The following IGF2R variants were observed in gnomAD, a reference collection of about 807,000 sequenced individuals.
IGF2R encodes the protein insulin like growth factor 2 receptor, also known as cation-independent mannose-6-phosphate receptor.
A neutral mutation model predicts 270.6 loss-of-function variants in IGF2R; 91 were observed. That is an observed-to-expected ratio of 0.34 (90% confidence interval 0.28 to 0.40). The LOEUF (loss-of-function observed/expected upper bound fraction) is 0.40, where lower values mean the gene tolerates loss of function less well. IGF2R is among the 10% of genes least tolerant of loss of function. The probability of loss-of-function intolerance (pLI) is 1.00; values close to 1 mark genes in which losing one functional copy is unlikely to be tolerated. For missense variants in IGF2R, 2,805 were observed against 3,188.3 expected (o/e 0.88, Z 2.90); for synonymous variants, 1,316 against 1,258.9 (o/e 1.05, Z -0.96).
chr6:160,063,627 G>A lies in IGF2R; in HGVS notation c.3883G>A (p.Ala1295Thr). Residue 1295 changes from alanine (A) to threonine (T), a missense_variant, in exon 27 of 48, where the codon GCA becomes ACA. This residue lies in a region of IGF2R where 1,851 missense variants were observed against 2,207.2 expected (regional missense o/e 0.84). Coordinates refer to ENST00000356956, the MANE Select transcript of IGF2R (RefSeq NM_000876.4). Reference protein sequence around the residue: ...KREPQGFHKVAGLLTQKLTYE... With the variant: ...KREPQGFHKVTGLLTQKLTYE... Reference sequence around the variant, plus strand: ...GGAACCGCAGGGATTTCACAAAGTGGCAGGTACCATTGTTTGTCGTTTTCC... The same window carrying A: ...GGAACCGCAGGGATTTCACAAAGTGACAGGTACCATTGTTTGTCGTTTTCC... 2 of 1,611,708 alleles carry A rather than the reference G, an allele frequency of 1.2e-6. No individual in the cohort carries two copies. The highest frequency in any genetic ancestry group is 8.5e-7 in the Non-Finnish European group (1 of 1,177,966).
chr6:160,010,727 A>G lies in IGF2R; in HGVS notation c.455A>G (p.Tyr152Cys). The G allele has an allele frequency of 1.2e-6, 2 of 1,612,712 alleles. No homozygotes were observed. Among genetic ancestry groups the G allele is most frequent in the Non-Finnish European group, 1.7e-6 (2 of 1,178,730 alleles). ...EFVTATECVH[Y>C]FEWRTTAACK... ...GTAACTGCAACAGAATGTGTGCACT[A>G]CTTTGAGTGGAGGACCACTGCAGCC... The change falls in exon 4 of 48, where the codon TAC becomes TGC. Residue 152 changes from tyrosine (Y) to cysteine (C), a missense_variant. Tyr to Cys is a radical substitution (Grantham distance 194, BLOSUM62 -2). Around this residue, in one of 2 missense-constraint regions of IGF2R, gnomAD observed 954 missense variants for 981.1 expected, o/e 0.97. Transcript: ENST00000356956.
chr6:160,068,065 GGTGTGTGTGT>G (rs879058804), intron 29 of IGF2R, among the ~76,000 whole-genome samples, 174 bp from the exon 30 acceptor site: 12 of 77,464 alleles, frequency 1.5e-4, no homozygotes, highest in East Asian at 5.2e-4. Flanking sequence ...TCTGATGGGG[GGTGTGTGTGT>G]GTGTGTGTGT....
Position 160,078,350 on chromosome 6 carries a change from G to C in IGF2R, c.5466G>C (p.Thr1822=), listed in dbSNP as rs767248101. ...LYSFNLSSLS[T]STFKVTRDSR... Reference sequence around the variant, plus strand: ...GCTTCAACTTGTCCAGCCTTTCCACGAGCACCTTTAAGGTAATGCGTTCAC... The same window carrying C: ...GCTTCAACTTGTCCAGCCTTTCCACCAGCACCTTTAAGGTAATGCGTTCAC... Residue 1822 remains threonine (T), a synonymous_variant, in exon 37 of 48, where the codon ACG becomes ACC. Transcript: ENST00000356956. The C allele has an allele frequency of 6.2e-7, 1 of 1,613,950 alleles. No homozygotes were observed. The highest frequency in any genetic ancestry group is 8.5e-7 in the Non-Finnish European group (1 of 1,179,972).
intron 44 of IGF2R, chr6:160,095,370 C>T (rs1779330675): frequency 6.6e-6 from 1 of 152,506 alleles, no homozygotes; most frequent in South Asian, 2.1e-4. Flanking sequence ...TTTCACTATA[C>T]GTTTCCAAGT....
intron 10 of IGF2R, among the ~76,000 whole-genome samples, chr6:160,034,887 A>G (rs1009131067): frequency 4.6e-5 from 7 of 152,138 alleles, no homozygotes; most frequent in African/African-American, 1.7e-4. Context: ...TGATTGAGTG[A>G]CCTCTTCTTT....
intron 11 of IGF2R, 95 bp downstream of exon 11, chr6:160,040,819 C>T: frequency 7.6e-6 from 10 of 1,310,420 alleles, no homozygotes; most frequent in Non-Finnish European, 1.1e-5. Flanking sequence ...TTTTCTTTGT[C>T]AGTGGGTTGC....
chr6:160,018,904 A>G (rs187265752), intron 4 of IGF2R, among the ~76,000 whole-genome samples: 105 of 152,264 alleles, frequency 6.9e-4, no homozygotes, highest in African/African-American at 2.5e-3. Flanking sequence ...ACTTCAAGGA[A>G]CTAGAAAAAA....
At chr6:160,071,121 A>T (rs1363024208) in intron 31 of IGF2R, among the ~76,000 whole-genome samples, 3 of 124,014 alleles carry the variant, frequency 2.4e-5, no homozygotes, top group Non-Finnish European at 5.0e-5. Context: ...GGGAAGGATG[A>T]GGGTGGTGTG....
At chr6:160,094,498 G>A (rs1245539822) in intron 44 of IGF2R, 1 of 156,366 alleles carries the variant, frequency 6.4e-6, no homozygotes, top group Non-Finnish European at 1.4e-5. Flanking sequence ...TGAAGCCTCA[G>A]AATCTCCTCT....
chr6:159,978,119 A>T (rs1358438794), intron 1 of IGF2R, among the ~76,000 whole-genome samples: 1 of 152,074 alleles, frequency 6.6e-6, no homozygotes, highest in East Asian at 1.9e-4. Flanking sequence ...TTCTGCCTCA[A>T]CCAGAGAGCA....
intron 1 of IGF2R, among the ~76,000 whole-genome samples, chr6:159,970,036 C>G (rs1783585979): frequency 6.6e-6 from 1 of 151,980 alleles, no homozygotes; most frequent in Non-Finnish European, 1.5e-5. Context: ...AAGACTTGAC[C>G]CTTCACTTCT....
intron 2 of IGF2R, 88 bp downstream of exon 2, chr6:159,991,411 G>A (rs1178546594): frequency 1.2e-5 from 13 of 1,071,074 alleles, no homozygotes; most frequent in South Asian, 5.0e-5. Context: ...CGTATATAGC[G>A]ATACAAAAAT....
intron 4 of IGF2R, among the ~76,000 whole-genome samples, chr6:160,011,504 G>A (rs558610249): frequency 8.0e-5 from 12 of 149,864 alleles, no homozygotes; most frequent in African/African-American, 2.9e-4. Flanking sequence ...ATACATTGAG[G>A]AATGGCTACA....
In IGF2R at chr6:160,073,987, A is replaced by G. The variant is rs374894929; in HGVS notation, c.5166+12A>G. 1 of 1,592,040 alleles carries G rather than the reference A, an allele frequency of 6.3e-7. No homozygotes were observed. Among genetic ancestry groups the G allele is most frequent in the African/African-American group, 1.3e-5 (1 of 74,514 alleles). On this transcript the variant is annotated intron_variant, in intron 35 of 47. Coordinates refer to ENST00000356956, the MANE Select transcript of IGF2R (RefSeq NM_000876.4). ...ATGGTCCCCCCATAGTAAGTATGAC[A>G]AATCCAAGGGTGGAGATAATTTTTG...
At chr6:160,027,872 G>T (rs560324928) in intron 6 of IGF2R, among the ~76,000 whole-genome samples, 2 of 152,270 alleles carry the variant, frequency 1.3e-5, no homozygotes, top group East Asian at 3.9e-4. Context: ...CTTCGATCAA[G>T]GATTCACATT....
In IGF2R at chr6:160,080,278, G is replaced by C; in HGVS notation, c.5833+3G>C. Reference sequence around the variant, plus strand: ...CGAGTGGGGCTTCTGCAGACACTGTGAGTAGGACGGCTCCGCGTCCCCACA... The same window carrying C: ...CGAGTGGGGCTTCTGCAGACACTGTCAGTAGGACGGCTCCGCGTCCCCACA... On this transcript the variant is annotated splice_donor_region_variant and intron_variant, in intron 39 of 47. Coordinates refer to ENST00000356956, the MANE Select transcript of IGF2R (RefSeq NM_000876.4). The C allele has an allele frequency of 6.2e-7, 1 of 1,613,364 alleles. No individual in the cohort carries two copies. Among genetic ancestry groups the C allele is most frequent in the Non-Finnish European group, 8.5e-7 (1 of 1,179,646 alleles).
intron 30 of IGF2R, 22 bp downstream of exon 30, chr6:160,068,407 G>T (rs371838106): frequency 4.0e-4 from 641 of 1,612,414 alleles, no homozygotes; most frequent in Non-Finnish European, 5.3e-4. Flanking sequence ...CCTCCTCGTG[G>T]GGTGGTGTTT....
intron 1 of IGF2R, among the ~76,000 whole-genome samples, chr6:159,982,180 T>C (rs910744872): frequency 1.3e-5 from 2 of 152,194 alleles, no homozygotes; most frequent in East Asian, 3.8e-4. Context: ...CTTGACATTC[T>C]GCTCCCAAGG....
At chr6:159,980,303 G>A (rs1783779799) in intron 1 of IGF2R, among the ~76,000 whole-genome samples, 1 of 152,164 alleles carries the variant, frequency 6.6e-6, no homozygotes, top group African/African-American at 2.4e-5. Flanking sequence ...GGTGAGGGTT[G>A]CAGTTGAGCA....
Sources: allele counts gnomAD v4.1 joint callset (sites outside exome capture counted in the v4.1 genomes callset), GRCh38; gene constraint gnomAD v4.1.1; regional missense constraint gnomAD v4.1.1; transcripts MANE v1.5; gene names NCBI Gene and HGNC (gene_info 2026-07-23, HGNC 2026-07-21).